The following NBEAL2 variants were observed in gnomAD, a reference collection of about 807,000 sequenced individuals.
The protein encoded by NBEAL2 is neurobeachin like 2.
A neutral mutation model predicts 299.8 loss-of-function variants in NBEAL2; 160 were observed. The observed-to-expected ratio is 0.53, with a 90% CI of 0.47 to 0.61. The LOEUF (loss-of-function observed/expected upper bound fraction) is 0.61, where lower values mean the gene tolerates loss of function less well. Among genes scored for constraint, NBEAL2 ranks in the 20% least tolerant of loss-of-function variants. NBEAL2 has a pLI of 0.00. For synonymous variants in NBEAL2, 1,493 were observed against 1,542.3 expected (o/e 0.97, Z 0.75); for missense variants, 3,112 against 3,649.0 (o/e 0.85, Z 3.79).
At position 47,002,012 on chromosome 3, in the gene NBEAL2, G is replaced by A; in HGVS notation, c.4875G>A (p.Leu1625=). The change falls in exon 31 of 54, where the codon CTG becomes CTA. Residue 1625 remains leucine, a synonymous_variant. Coordinates refer to ENST00000450053, the MANE Select transcript of NBEAL2 (RefSeq NM_015175.3). ...REEACYVLSK[L]EAALGRVLNT... ...AGGCCTGCTATGTGCTCTCCAAGCT[G>A]GAGGCTGCACTGGGGCGGGTGCTGA... is the stretch of plus-strand genomic sequence containing the variant. 6.3e-7 allele frequency: 1 copy of A among 1,590,908 alleles called. No individual in the cohort carries two copies. The highest frequency in any genetic ancestry group is 8.6e-7 in the Non-Finnish European group (1 of 1,169,260).
chr3:47,005,453 T>A (rs746701067), intron 40 of NBEAL2, 36 bp from the exon 41 acceptor site: 8 of 1,602,634 alleles, frequency 5.0e-6, no homozygotes. Flanking sequence ...GTCTCCATTC[T>A]CCCCACCTCA....
At chr3:46,990,917 T>C (rs1051813975) in intron 6 of NBEAL2, among the ~76,000 whole-genome samples, 1 of 152,140 alleles carries the variant, frequency 6.6e-6, no homozygotes, top group African/African-American at 2.4e-5. Context: ...GGGTATGTGC[T>C]CATGCTGGGG....
intron 47 of NBEAL2, 56 bp from the exon 48 acceptor site, chr3:47,007,469 G>A: frequency 6.3e-7 from 1 of 1,575,536 alleles, no homozygotes; most frequent in Admixed American, 1.8e-5. Context: ...CTCCCTGAGG[G>A]CCTGGGTCTC....
chr3:47,003,206 T>C lies in NBEAL2; in HGVS notation c.5617T>C (p.Ser1873Pro). The change falls in exon 35 of 54, where the codon TCA (serine) becomes CCA (proline). Residue 1873 changes from serine to proline, a missense_variant. Coordinates refer to ENST00000450053, the MANE Select transcript of NBEAL2 (RefSeq NM_015175.3). The surrounding 1 kb of genome is among the most constrained non-coding windows in gnomAD (Gnocchi z 7.0). ...EVPLTPTEEASLPLAVTKEAK... is the reference protein window; with the variant it reads ...EVPLTPTEEAPLPLAVTKEAK... Reference sequence around the variant, plus strand: ...TCCCCTGACACCCACCGAGGAGGCCTCACTGCCTCTGGCAGTGACCAAAGA... The same window carrying C: ...TCCCCTGACACCCACCGAGGAGGCCCCACTGCCTCTGGCAGTGACCAAAGA... The C allele has an allele frequency of 6.2e-7, 1 of 1,612,446 alleles. No individual in the cohort carries two copies. The highest frequency in any genetic ancestry group is 8.5e-7 in the Non-Finnish European group (1 of 1,179,294).
chr3:47,006,312 T>C (rs1230670735), intron 44 of NBEAL2, 21 bp from the exon 45 acceptor site: 8 of 1,600,388 alleles, frequency 5.0e-6, no homozygotes, highest in South Asian at 1.1e-5. Flanking sequence ...GCCATGGTGC[T>C]GACCAGCCAC....
Position 46,991,165 on chromosome 3 carries a change from G to T in NBEAL2, c.557-54G>T. 6.7e-7 allele frequency: 1 copy of T among 1,486,186 alleles called. No individual in the cohort carries two copies. The highest frequency in any genetic ancestry group is 9.2e-7 in the Non-Finnish European group (1 of 1,083,370). 92.1% of individuals were successfully genotyped at this position (1,486,186 alleles called of 1,614,324 possible). ...ACTCACCTCTTGTGCAGCCCCCTGG[G>T]TCCATAGCCCTGCAACCTTGGTGAC... On this transcript the variant is annotated intron_variant, in intron 6 of 53. Transcript: ENST00000450053. This position sits in a 1 kb window ranked among gnomAD's most constrained non-coding sequence, Gnocchi z 6.2.
rs762633550 is a variant in NBEAL2 at position 46,996,732 on chromosome 3, C to G, written c.2474-19C>G. ...GCCAGAGGCCTAGCAAGGTCTGAAG[C>G]CCCCTGCCCACCTCCCAGGGCCCAA... On this transcript the variant is annotated intron_variant, in intron 16 of 53. Coordinates refer to ENST00000450053, the MANE Select transcript of NBEAL2 (RefSeq NM_015175.3). 1 of 1,607,108 alleles carries G rather than the reference C, an allele frequency of 6.2e-7. No individual in the cohort carries two copies. Among genetic ancestry groups the G allele is most frequent in the African/African-American group, 1.3e-5 (1 of 74,936 alleles).
At chr3:46,994,661 G>A (rs914520599) in intron 12 of NBEAL2, 108 bp downstream of exon 12, 3 of 930,982 alleles carry the variant, frequency 3.2e-6, no homozygotes, top group African/African-American at 3.3e-5. Context: ...ACTGCGGCCA[G>A]TACATACTGT....
At chr3:46,999,752 G>A (rs544966594) in intron 26 of NBEAL2, 37 bp downstream of exon 26, 2 of 1,600,682 alleles carry the variant, frequency 1.2e-6, no homozygotes, top group African/African-American at 1.3e-5. Flanking sequence ...GGGAGGGGGA[G>A]GGTGGCTTCT....
rs1416795730 is a variant in NBEAL2, at chr3:46,979,886, G to A, written c.25G>A (p.Glu9Lys). 2 of 468,294 alleles carry A rather than the reference G, an allele frequency of 4.3e-6. No homozygotes were observed. The highest frequency in any genetic ancestry group is 7.7e-6 in the Non-Finnish European group (2 of 259,126). The allele number at this position is 468,294 out of a possible 1,614,324, so 29.0% of individuals were successfully genotyped here. A position where few individuals can be genotyped will look rare whatever the true frequency, so the allele number is the denominator to read the frequency against. The change falls in exon 1 of 54, where the codon GAG (glutamate) becomes AAG (lysine). Residue 9 changes from glutamate to lysine, a missense_variant. This residue lies in a region of NBEAL2 where 2,243 missense variants were observed against 2,538.1 expected (regional missense o/e 0.88). Coordinates refer to ENST00000450053, the MANE Select transcript of NBEAL2 (RefSeq NM_015175.3). MAASERLY[E>K]LWLLYYAQKD... ...CATGGCCGCCTCGGAGCGGCTGTAC[G>A]AGTTGTGGCTGCTCTACTACGCGCA...
At chr3:46,980,599 G>A (rs2035259734) in intron 1 of NBEAL2, among the ~76,000 whole-genome samples, 1 of 152,090 alleles carries the variant, frequency 6.6e-6, no homozygotes, top group African/African-American at 2.4e-5. Context: ...GGTCCTTGAG[G>A]CCCTGAGGGA....
rs1255319571 is a variant in NBEAL2 at position 47,004,082 on chromosome 3, G to A, written c.5887G>A (p.Gly1963Ser). 8.7e-6 allele frequency: 14 copies of A among 1,612,178 alleles called. No homozygotes were observed. The highest frequency in any genetic ancestry group is 2.7e-5 in the African/African-American group (2 of 74,944). ...TERVETEEGI[G>S]YDFRRPLAQL... ...CCTGCTGTTCCTCCCCATAGGCATC[G>A]GCTATGATTTCCGGCGCCCACTGGC... The change falls in exon 37 of 54, where the codon GGC becomes AGC. Residue 1963 changes from glycine (G) to serine (S), a missense_variant. Coordinates refer to ENST00000450053, the MANE Select transcript of NBEAL2 (RefSeq NM_015175.3). The surrounding 1 kb of genome is among the most constrained non-coding windows in gnomAD (Gnocchi z 5.0).
At position 46,995,094 on chromosome 3, in the gene NBEAL2, G is replaced by A. The variant is rs1201884696; in HGVS notation, c.1359G>A (p.Leu453=). Residue 453 remains leucine, a synonymous_variant, in exon 13 of 54, where the codon CTG becomes CTA. Transcript: ENST00000450053. ...CAATCCGCAACGAGCAGCCGGTACT[G>A]GTGCTGGCGCAGTGGCTGCCGTCAT... ...PPPIRNEQPV[L]VLAQWLPSLP... 1 of 1,570,482 alleles carries A rather than the reference G, an allele frequency of 6.4e-7. No individual in the cohort carries two copies. Among genetic ancestry groups the A allele is most frequent in the East Asian group, 2.4e-5 (1 of 42,304 alleles).
At position 47,001,264 on chromosome 3, in the gene NBEAL2, CCACT is replaced by C. The variant is rs777764565; in HGVS notation, c.4485-11_4485-8del. 27 of 1,602,058 alleles carry C rather than the reference CCACT, an allele frequency of 1.7e-5. No individual in the cohort carries two copies. Among genetic ancestry groups the C allele is most frequent in the Non-Finnish European group, 2.2e-5 (26 of 1,171,002 alleles). The stretch of plus-strand genomic sequence containing the variant: ...ATAGTCAGGTAGACCCTTGAGTTCC[CCACT>C]CACCCGCCAGCCTCCTGGAGATGAT... On this transcript the variant is annotated splice_polypyrimidine_tract_variant and intron_variant, in intron 28 of 53. Coordinates refer to ENST00000450053, the MANE Select transcript of NBEAL2 (RefSeq NM_015175.3). This position sits in a 1 kb window ranked among gnomAD's most constrained non-coding sequence, Gnocchi z 6.1.
intron 18 of NBEAL2, 42 bp from the exon 19 acceptor site, chr3:46,997,217 C>T (rs762793586): frequency 6.2e-7 from 1 of 1,608,954 alleles, no homozygotes; most frequent in Non-Finnish European, 8.5e-7. Flanking sequence ...GGGCAGGAAA[C>T]TGGCTGGAAG....
Position 46,992,545 on chromosome 3 carries a change from A to C in NBEAL2, c.1103A>C (p.Asp368Ala), listed in dbSNP as rs201676397. Reference sequence around the variant, plus strand: ...GCTACCCGGTTACTGACTGAGCCCGATGTCCAAAAGGTACCATCCTGGGGC... The same window carrying C: ...GCTACCCGGTTACTGACTGAGCCCGCTGTCCAAAAGGTACCATCCTGGGGC... ...DLATRLLTEP[D>A]VQKVLDQDTD... The change falls in exon 10 of 54, where the codon GAT becomes GCT. Residue 368 changes from aspartate (D) to alanine (A), a missense_variant. By Grantham distance (126) the Asp-to-Ala change is moderately radical. This residue lies in a region of NBEAL2 where 2,243 missense variants were observed against 2,538.1 expected (regional missense o/e 0.88). Transcript: ENST00000450053. 6.3e-7 allele frequency: 1 copy of C among 1,598,180 alleles called. No individual in the cohort carries two copies. Among genetic ancestry groups the C allele is most frequent in the Non-Finnish European group, 8.5e-7 (1 of 1,172,858 alleles).
chr3:46,991,388 C>T lies in NBEAL2; in HGVS notation c.643-18C>T. 6.3e-7 allele frequency: 1 copy of T among 1,594,064 alleles called. No individual in the cohort carries two copies. The highest frequency in any genetic ancestry group is 8.6e-7 in the Non-Finnish European group (1 of 1,169,482). On this transcript the variant is annotated intron_variant, in intron 7 of 53. Coordinates refer to ENST00000450053, the MANE Select transcript of NBEAL2 (RefSeq NM_015175.3). The surrounding 1 kb of genome is among the most constrained non-coding windows in gnomAD (Gnocchi z 6.2). ...GGTGAGCCCCTTGCCCACTGCCCAT[C>T]TCTGTCCACACCTGCAGGAGAACGG...
chr3:46,989,442 G>C lies in NBEAL2; in HGVS notation c.473+61G>C, dbSNP rs952390810. On this transcript the variant is annotated intron_variant, in intron 5 of 53. Coordinates refer to ENST00000450053, the MANE Select transcript of NBEAL2 (RefSeq NM_015175.3). The surrounding 1 kb of genome is among the most constrained non-coding windows in gnomAD (Gnocchi z 5.5). ...GGGTGGGGAGAGGATGGCCGCGCTG[G>C]GCCCAAGGAGGGGTGACGGCCAGGA... 6.4e-7 allele frequency: 1 copy of C among 1,564,142 alleles called. No individual in the cohort carries two copies. The highest frequency in any genetic ancestry group is 2.4e-5 in the East Asian group (1 of 41,852).
rs545294552 is a variant in NBEAL2 at position 47,000,361 on chromosome 3, C to A, written c.4262C>A (p.Pro1421His). The change falls in exon 27 of 54, where the codon CCC becomes CAC. Residue 1421 changes from proline to histidine, a missense_variant. Transcript: ENST00000450053. This position sits in a 1 kb window ranked among gnomAD's most constrained non-coding sequence, Gnocchi z 4.5. The stretch of plus-strand genomic sequence containing the variant: ...CTGGAGGACGGCAGCCTCCCGGAGC[C>A]CACCATTAGCGGGGATGATACCTCG... ...NVLEDGSLPE[P>H]TISGDDTSNT... 5.0e-6 allele frequency: 8 copies of A among 1,594,398 alleles called. No homozygotes were observed. In the Admixed American group the frequency reaches 1.2e-4, roughly 24 times the overall value.
Sources: gnomAD v4.1 joint callset for allele counts (sites outside exome capture counted in the v4.1 genomes callset) on GRCh38, gnomAD v4.1.1 for gene constraint, gnomAD v4.1.1 regional missense constraint, Gnocchi (gnomAD v3.1) non-coding constraint, MANE v1.5 for transcripts, NCBI Gene and HGNC (gene_info 2026-07-23, HGNC 2026-07-21) for gene names.